SDK1: variants seen among roughly 807,000 people sequenced by gnomAD.
SDK1 encodes protein sidekick-1.
SDK1 carries 157 observed loss-of-function variants against 245.5 expected under a neutral mutation model. The observed-to-expected ratio is 0.64, with a 90% CI of 0.56 to 0.73. The LOEUF (loss-of-function observed/expected upper bound fraction) is 0.73. SDK1 is among the 30% of genes least tolerant of loss of function. The pLI, the probability that SDK1 is intolerant of heterozygous loss-of-function variation, is 0.00. For missense variants in SDK1, 3,583 were observed against 3,002.3 expected (o/e 1.19, Z -4.52); for synonymous variants, 1,647 against 1,278.5 (o/e 1.29, Z -6.15).
chr7:4,032,219 T>A (rs138695405), intron 17 of SDK1, among the ~76,000 whole-genome samples: 1 of 152,236 alleles, frequency 6.6e-6, no homozygotes, highest in East Asian at 1.9e-4. Flanking sequence ...AACAGTACAT[T>A]TAAAACAGTA....
At chr7:3,509,914 T>C (rs1225302211) in intron 1 of SDK1, among the ~76,000 whole-genome samples, 1 of 152,174 alleles carries the variant, frequency 6.6e-6, no homozygotes, top group South Asian at 2.1e-4. Context: ...TTTTAAAATA[T>C]ACAGATGCCA....
chr7:3,778,730 C>G (rs147613939), intron 4 of SDK1, among the ~76,000 whole-genome samples: 33 of 152,322 alleles, frequency 2.2e-4, no homozygotes, highest in Non-Finnish European at 3.8e-4. Context: ...GAATGGCTGA[C>G]TTTAAACATA....
intron 1 of SDK1, among the ~76,000 whole-genome samples, chr7:3,608,041 G>C (rs762775472): frequency 1.3e-5 from 2 of 152,198 alleles, no homozygotes; most frequent in African/African-American, 4.8e-5. Context: ...AAAAGCAGTC[G>C]TGAGAAAACT....
intron 5 of SDK1, among the ~76,000 whole-genome samples, chr7:3,911,215 T>C (rs1779152408): frequency 1.3e-5 from 2 of 152,208 alleles, no homozygotes; most frequent in African/African-American, 4.8e-5. Context: ...TTGTTCCTTC[T>C]GCCTGTGAAA....
chr7:4,248,466 C>T (rs1457413103), intron 44 of SDK1, among the ~76,000 whole-genome samples: 2 of 151,908 alleles, frequency 1.3e-5, no homozygotes, highest in African/African-American at 2.4e-5. Context: ...CATGCATACA[C>T]ACGTGCTTAC....
chr7:3,448,236 C>A (rs1780406618), intron 1 of SDK1, among the ~76,000 whole-genome samples: 2 of 151,958 alleles, frequency 1.3e-5, no homozygotes, highest in African/African-American at 4.8e-5. Context: ...TATCTCGTTG[C>A]TTTAAGTTGC....
intron 25 of SDK1, among the ~76,000 whole-genome samples, chr7:4,114,673 G>A (rs1163671441): frequency 4.6e-5 from 7 of 152,070 alleles, no homozygotes; most frequent in African/African-American, 1.4e-4. Flanking sequence ...TAATAAATAG[G>A]CCTCTAAAAG....
chr7:3,389,046 C>T (rs1385072836), intron 1 of SDK1, among the ~76,000 whole-genome samples: 1 of 152,110 alleles, frequency 6.6e-6, no homozygotes, highest in African/African-American at 2.4e-5. Context: ...GGAAAGGCCT[C>T]TCAGGAAATG....
intron 4 of SDK1, among the ~76,000 whole-genome samples, chr7:3,810,921 T>C (rs1176861468): frequency 6.6e-6 from 1 of 152,224 alleles, no homozygotes; most frequent in Non-Finnish European, 1.5e-5. Flanking sequence ...TTTTAGGTAA[T>C]AGAGGCTTCT....
At chr7:4,215,334 C>T (rs73048280) in intron 38 of SDK1, among the ~76,000 whole-genome samples, 18,589 of 152,246 alleles carry the variant, frequency 0.12, 1,492 homozygotes, top group Non-Finnish European at 0.17. Context: ...CTCCTGAGTC[C>T]AGGCCTTGGG....
chr7:3,538,189 T>G (rs1778945089), intron 1 of SDK1, among the ~76,000 whole-genome samples: 1 of 152,188 alleles, frequency 6.6e-6, no homozygotes, highest in Non-Finnish European at 1.5e-5. Context: ...GATTTTGTGT[T>G]GGCAATTACA....
intron 1 of SDK1, among the ~76,000 whole-genome samples, chr7:3,578,412 T>C (rs898863796): frequency 6.6e-6 from 1 of 151,908 alleles, no homozygotes; most frequent in Non-Finnish European, 1.5e-5. Flanking sequence ...CTGATAAGGG[T>C]CTATGTTCAG....
rs1788416622 is a variant in SDK1 at position 4,265,551 on chromosome 7, G to A, written c.*167G>A. 8 of 1,341,124 alleles carry A rather than the reference G, an allele frequency of 6.0e-6. No individual in the cohort carries two copies. The East Asian group carries it at 2.1e-4, about 35-fold the overall frequency. 83.1% of individuals were successfully genotyped at this position (1,341,124 alleles called of 1,614,324 possible). A position where few individuals can be genotyped will look rare whatever the true frequency, so the allele number is the denominator to read the frequency against. ...GTGGACACTAGATTTCAATTAGGAAGGTTTTTTTAAACGGCTTTTTGTAAC... is the reference window on the plus strand; with the variant it reads ...GTGGACACTAGATTTCAATTAGGAAAGTTTTTTTAAACGGCTTTTTGTAAC... On this transcript the variant is annotated 3_prime_UTR_variant, in exon 45 of 45. Coordinates refer to ENST00000404826, the MANE Select transcript of SDK1 (RefSeq NM_152744.4).
chr7:3,915,572 G>A (rs1392630475), intron 5 of SDK1, among the ~76,000 whole-genome samples: 1 of 152,182 alleles, frequency 6.6e-6, no homozygotes, highest in African/African-American at 2.4e-5. Flanking sequence ...CTTACACCAT[G>A]ATGGTGGGGC....
chr7:4,195,831 C>G (rs953291448), intron 35 of SDK1, among the ~76,000 whole-genome samples: 1 of 152,128 alleles, frequency 6.6e-6, no homozygotes, highest in Non-Finnish European at 1.5e-5. Flanking sequence ...CCCAGCCTCT[C>G]GGCAGCAGCA....
At chr7:3,327,795 G>A (rs1004039698) in intron 1 of SDK1, among the ~76,000 whole-genome samples, 11 of 152,008 alleles carry the variant, frequency 7.2e-5, no homozygotes, top group Non-Finnish European at 1.3e-4. Context: ...GTTTGATTAC[G>A]GTATGCTTTT....
chr7:4,065,227 G>A (rs1486564316), intron 19 of SDK1, among the ~76,000 whole-genome samples: 3 of 152,182 alleles, frequency 2.0e-5, no homozygotes, highest in Non-Finnish European at 4.4e-5. Flanking sequence ...GAAAGCTTCA[G>A]ACTCTCGGGT....
intron 4 of SDK1, among the ~76,000 whole-genome samples, chr7:3,798,922 A>T (rs901635162): frequency 6.6e-6 from 1 of 152,204 alleles, no homozygotes; most frequent in African/African-American, 2.4e-5. Flanking sequence ...AGCGTTCACC[A>T]GTGGATCTTG....
intron 1 of SDK1, among the ~76,000 whole-genome samples, chr7:3,554,271 A>C (rs774279408): frequency 6.6e-6 from 1 of 152,204 alleles, no homozygotes; most frequent in African/African-American, 2.4e-5. Context: ...AGTGGAGTCT[A>C]TTAGAAATCA....
Sources: allele counts gnomAD v4.1 joint callset (sites outside exome capture counted in the v4.1 genomes callset), GRCh38; gene constraint gnomAD v4.1.1; transcripts MANE v1.5; gene names NCBI Gene and HGNC (gene_info 2026-07-23, HGNC 2026-07-21).